The following ANKIB1 variants were observed in gnomAD, a reference collection of about 807,000 sequenced individuals.
ANKIB1 encodes ankyrin repeat and IBR domain containing 1.
In ANKIB1, 43 loss-of-function variants were observed where a neutral mutation model predicts 122.1. The observed-to-expected ratio is 0.35, with a 90% confidence interval of 0.28 to 0.45. ANKIB1 has a LOEUF of 0.45. Among genes scored for constraint, ANKIB1 ranks in the 20% least tolerant of loss-of-function variants. The pLI is 1.00. For synonymous variants in ANKIB1, 390 were observed against 442.0 expected (o/e 0.88, Z 1.48); for missense variants, 992 against 1,329.5 (o/e 0.75, Z 3.95).
At chr7:92,343,317 G>T in intron 6 of ANKIB1, 85 bp downstream of exon 6, 1 of 1,233,658 alleles carries the variant, frequency 8.1e-7, no homozygotes, top group Non-Finnish European at 1.2e-6. Flanking sequence ...TCCATGGAGT[G>T]TCTGGTTGTG....
chr7:92,287,282 A>G (rs975270648), intron 1 of ANKIB1, among the ~76,000 whole-genome samples: 3 of 152,182 alleles, frequency 2.0e-5, no homozygotes, highest in Admixed American at 1.3e-4. Flanking sequence ...CTAGGGCCCT[A>G]TATGGCATTT....
intron 1 of ANKIB1, among the ~76,000 whole-genome samples, chr7:92,278,805 G>A (rs1441996401): frequency 6.6e-6 from 1 of 152,130 alleles, no homozygotes; most frequent in East Asian, 1.9e-4. Flanking sequence ...CCCATTTTGG[G>A]GAAAGCTTCC....
At chr7:92,353,118 A>G (rs1803700304) in intron 9 of ANKIB1, among the ~76,000 whole-genome samples, 2 of 152,186 alleles carry the variant, frequency 1.3e-5, no homozygotes, top group Non-Finnish European at 2.9e-5. Flanking sequence ...AAAATTACCA[A>G]GGTCCCTTTT....
chr7:92,255,234 T>C (rs1222473682), intron 1 of ANKIB1, among the ~76,000 whole-genome samples: 5 of 152,232 alleles, frequency 3.3e-5, no homozygotes, highest in Non-Finnish European at 5.9e-5. Context: ...GTCTTGAGAA[T>C]CTCTCTCTCC....
intron 3 of ANKIB1, among the ~76,000 whole-genome samples, chr7:92,318,703 C>G (rs1399429025): frequency 2.6e-5 from 4 of 152,212 alleles, no homozygotes; most frequent in African/African-American, 7.2e-5. Flanking sequence ...AGTCAAGCTA[C>G]TATTCCATGT....
chr7:92,378,161 A>G (rs573568285), intron 11 of ANKIB1, among the ~76,000 whole-genome samples: 8 of 152,328 alleles, frequency 5.3e-5, no homozygotes, highest in African/African-American at 1.9e-4. Flanking sequence ...AGTTTATTCC[A>G]GGAAGACAGG....
At chr7:92,290,915 T>C (rs1406453140) in intron 1 of ANKIB1, among the ~76,000 whole-genome samples, 2 of 151,922 alleles carry the variant, frequency 1.3e-5, no homozygotes, top group Non-Finnish European at 2.9e-5. Flanking sequence ...GGTTGATGGG[T>C]AGAAAAAAAT....
chr7:92,369,729 C>G (rs1804190169), intron 10 of ANKIB1, among the ~76,000 whole-genome samples: 1 of 152,324 alleles, frequency 6.6e-6, no homozygotes, highest in South Asian at 2.1e-4. Context: ...TTCAGTGATT[C>G]TAAAATGATT....
At chr7:92,288,217 C>T (rs1196307579) in intron 1 of ANKIB1, among the ~76,000 whole-genome samples, 1 of 152,024 alleles carries the variant, frequency 6.6e-6, no homozygotes, top group Non-Finnish European at 1.5e-5. Flanking sequence ...GATATGAACA[C>T]TTGGCATTTG....
intron 5 of ANKIB1, among the ~76,000 whole-genome samples, chr7:92,336,997 C>T (rs1803304853): frequency 6.6e-6 from 1 of 152,086 alleles, no homozygotes; most frequent in Non-Finnish European, 1.5e-5. Context: ...TTAAGATTAC[C>T]AGGAGGGCTA....
intron 2 of ANKIB1, among the ~76,000 whole-genome samples, chr7:92,306,565 A>C (rs1053128562): frequency 1.3e-5 from 2 of 152,082 alleles, no homozygotes; most frequent in Non-Finnish European, 2.9e-5. Context: ...GGAGTAGTGC[A>C]CAGAGACATG....
chr7:92,351,383 A>C (rs541155341), intron 8 of ANKIB1, among the ~76,000 whole-genome samples: 25 of 152,322 alleles, frequency 1.6e-4, no homozygotes, highest in African/African-American at 6.0e-4. Flanking sequence ...TTGCACTTTA[A>C]TAACTGATTG....
Position 92,388,038 on chromosome 7 carries a change from G to C in ANKIB1, c.1903G>C (p.Glu635Gln). Residue 635 changes from glutamate (E) to glutamine (Q), a missense_variant, in exon 14 of 20, where the codon GAA becomes CAA. This residue lies in a region of ANKIB1 where 521 missense variants were observed against 777.7 expected (regional missense o/e 0.67). Coordinates refer to ENST00000265742, the MANE Select transcript of ANKIB1 (RefSeq NM_019004.2). ...GGAGCAATTGAGCAGAGCTCTCAAAGAAAGTAAGTTATAAGTTGTATGTGT... is the reference window on the plus strand; with the variant it reads ...GGAGCAATTGAGCAGAGCTCTCAAACAAAGTAAGTTATAAGTTGTATGTGT... ...KMEQLSRALK[E>Q]TEGGCPDTTF... The C allele has an allele frequency of 6.4e-7, 1 of 1,564,430 alleles. No homozygotes were observed. The highest frequency in any genetic ancestry group is 8.7e-7 in the Non-Finnish European group (1 of 1,153,386).
intron 1 of ANKIB1, among the ~76,000 whole-genome samples, chr7:92,253,512 C>G (rs181946510): frequency 7.5e-4 from 114 of 152,346 alleles, no homozygotes; most frequent in African/African-American, 2.6e-3. Context: ...CATGACCTCA[C>G]TGCCCTGCAT....
chr7:92,288,056 AAC>A (rs2131910535), intron 1 of ANKIB1, among the ~76,000 whole-genome samples: 1 of 151,080 alleles, frequency 6.6e-6, no homozygotes, highest in African/African-American at 2.4e-5. Context: ...AAAAAAAAAA[AAC>A]TGCCACCATT....
At chr7:92,373,174 G>A (rs1357043702) in intron 11 of ANKIB1, among the ~76,000 whole-genome samples, 1 of 152,084 alleles carries the variant, frequency 6.6e-6, no homozygotes, top group Non-Finnish European at 1.5e-5. Context: ...GTTATTTATT[G>A]TTCAGCTAAG....
intron 9 of ANKIB1, among the ~76,000 whole-genome samples, chr7:92,357,928 T>A (rs553309231): frequency 5.9e-5 from 9 of 152,248 alleles, no homozygotes; most frequent in African/African-American, 1.9e-4. Flanking sequence ...CCGTAGTTTT[T>A]AAATATATTT....
intron 1 of ANKIB1, among the ~76,000 whole-genome samples, chr7:92,247,279 T>A (rs1342316207): frequency 6.6e-6 from 1 of 152,256 alleles, no homozygotes; most frequent in Admixed American, 6.5e-5. Context: ...TAGATACCTT[T>A]AAATTTTAGT....
chr7:92,300,014 G>A (rs1312127175), intron 2 of ANKIB1, among the ~76,000 whole-genome samples: 3 of 152,042 alleles, frequency 2.0e-5, no homozygotes, highest in African/African-American at 4.8e-5. Flanking sequence ...CGCCATGTTG[G>A]CAGATAGATC....
Sources: gnomAD v4.1 joint callset for allele counts (sites outside exome capture counted in the v4.1 genomes callset) on GRCh38, gnomAD v4.1.1 for gene constraint, gnomAD v4.1.1 regional missense constraint, MANE v1.5 for transcripts, NCBI Gene and HGNC (gene_info 2026-07-23, HGNC 2026-07-21) for gene names.